Variants in TM7SF3 observed in about 807,000 individuals in gnomAD.
The protein encoded by TM7SF3 is transmembrane 7 superfamily member 3.
Under a neutral mutation model 65.5 loss-of-function variants are expected in TM7SF3, and 60 were observed. That is an observed-to-expected ratio of 0.92 (90% confidence interval 0.74 to 1.14). The LOEUF is 1.14. Ranked by LOEUF, TM7SF3 falls within the 50% of genes most tolerant of loss-of-function variation. The pLI is 0.00. For synonymous variants in TM7SF3, 264 were observed against 259.6 expected, an observed-to-expected ratio of 1.02 and a Z score of -0.16; for missense variants, 623 against 684.8, an observed-to-expected ratio of 0.91 and a Z score of 1.01.
At chr12:27,008,240 T>C (rs1287941077) in intron 1 of TM7SF3, among the ~76,000 whole-genome samples, 1 of 152,218 alleles carries the variant, frequency 6.6e-6, no homozygotes, top group Non-Finnish European at 1.5e-5. Flanking sequence ...CTGCTGAGTA[T>C]ATAGTGGTAT....
At chr12:27,000,632 T>C (rs1016453653) in intron 2 of TM7SF3, among the ~76,000 whole-genome samples, 1 of 152,256 alleles carries the variant, frequency 6.6e-6, no homozygotes, top group African/African-American at 2.4e-5. Flanking sequence ...GCTAATTTTT[T>C]GTACTTTTAG....
intron 4 of TM7SF3, among the ~76,000 whole-genome samples, chr12:26,995,893 G>A (rs1028432574): frequency 1.3e-5 from 2 of 152,178 alleles, no homozygotes; most frequent in Non-Finnish European, 2.9e-5. Context: ...CACCCAGTCT[G>A]TGCTACTTTG....
intron 5 of TM7SF3, among the ~76,000 whole-genome samples, chr12:26,992,905 C>CTTTTTTTTTT (rs1202323508): frequency 9.1e-6 from 1 of 110,008 alleles, no homozygotes; most frequent in African/African-American, 3.5e-5. Flanking sequence ...TCCCTAATGT[C>CTTTTTTTTTT]TTTTTTTTTT....
intron 1 of TM7SF3, among the ~76,000 whole-genome samples, chr12:27,007,324 A>G (rs1941076698): frequency 6.6e-6 from 1 of 152,208 alleles, no homozygotes; most frequent in Non-Finnish European, 1.5e-5. Context: ...CACTGTATAC[A>G]TTATGTAAAA....
intron 4 of TM7SF3, 131 bp from the exon 5 acceptor site, chr12:26,995,539 G>C (rs772751205): frequency 1.1e-6 from 1 of 931,206 alleles, no homozygotes; most frequent in East Asian, 2.6e-5. Flanking sequence ...TTTTGCAGTG[G>C]CAACAATTGG....
rs1030636907 is a variant in TM7SF3, at chr12:27,003,205, G to C, written c.246+31C>G. On this transcript the variant is annotated intron_variant, in intron 2 of 11. Transcript: ENST00000343028. ...TACCAGACCCCCAAAATATAGAAAT[G>C]ATTTTTACTAAAATAATTCTTTGCA... 4.6e-6 allele frequency: 7 copies of C among 1,524,756 alleles called. No homozygotes were observed. In the African/African-American group the frequency reaches 9.7e-5, roughly 21 times the overall value. The allele number at this position is 1,524,756 out of a possible 1,614,324, so 94.5% of individuals were successfully genotyped here. A position where few individuals can be genotyped will look rare whatever the true frequency, so the allele number is the denominator to read the frequency against.
chr12:26,992,686 G>A (rs971634959), intron 5 of TM7SF3, among the ~76,000 whole-genome samples: 37 of 152,282 alleles, frequency 2.4e-4, no homozygotes, highest in African/African-American at 8.2e-4. Flanking sequence ...AAGCAGGAGC[G>A]ATGGCTCACT....
At chr12:26,983,652 T>C (rs987522888) in intron 6 of TM7SF3, 8 of 406,910 alleles carry the variant, frequency 2.0e-5, no homozygotes, top group African/African-American at 8.2e-5. Context: ...AATTGGTGTA[T>C]GGAGGCTCGC....
In TM7SF3 at chr12:26,972,967, AT is replaced by A; in HGVS notation, c.*997del. On this transcript the variant is annotated 3_prime_UTR_variant, in exon 12 of 12. Transcript: ENST00000343028. ...TAATAATTTAGCTATTTCAATTACC[AT>A]TTTAAGCAATAAAAGGCAAAAACAA... 6.6e-6 allele frequency among the ~76,000 whole-genome samples: 1 copy of A among 152,248 alleles called. No individual in the cohort carries two copies. Among genetic ancestry groups the A allele is most frequent in the East Asian group, 1.9e-4 (1 of 5,180 alleles).
chr12:26,995,112 A>T, intron 5 of TM7SF3, 125 bp downstream of exon 5: 1 of 966,050 alleles, frequency 1.0e-6, no homozygotes, highest in Non-Finnish European at 1.5e-6. Context: ...ACAAAAGAGA[A>T]TAAAGTGAGT....
chr12:26,998,867 C>A (rs1430149186), intron 3 of TM7SF3, among the ~76,000 whole-genome samples: 1 of 152,132 alleles, frequency 6.6e-6, no homozygotes, highest in Admixed American at 6.5e-5. Context: ...TATGCAAGGC[C>A]CTCCACACTC....
At chr12:26,998,859 T>G (rs540519594) in intron 3 of TM7SF3, among the ~76,000 whole-genome samples, 1 of 152,302 alleles carries the variant, frequency 6.6e-6, no homozygotes, top group Admixed American at 6.5e-5. Flanking sequence ...TCAAATTGTA[T>G]GCAAGGCCCT....
At position 26,996,737 on chromosome 12, in the gene TM7SF3, C is replaced by T. The variant is rs780114713; in HGVS notation, c.518+5G>A. 44 of 1,608,170 alleles carry T rather than the reference C, an allele frequency of 2.7e-5. No individual in the cohort carries two copies. The highest frequency in any genetic ancestry group is 1.7e-4 in the Admixed American group (10 of 58,524). On this transcript the variant is annotated splice_donor_5th_base_variant and intron_variant, in intron 4 of 11. Coordinates refer to ENST00000343028, the MANE Select transcript of TM7SF3 (RefSeq NM_016551.3). ...GCATTTCTCAGACATGGGAGACAGA[C>T]GTACCTCGCATAGCCTAGGTTTGCT...
At chr12:27,003,086 T>C (rs1042066669) in intron 2 of TM7SF3, 150 bp downstream of exon 2, 6 of 628,656 alleles carry the variant, frequency 9.5e-6, no homozygotes, top group Non-Finnish European at 1.3e-5. Flanking sequence ...AGTCACTAAC[T>C]TGAAAACATC....
At chr12:26,996,257 G>A (rs1183538128) in intron 4 of TM7SF3, among the ~76,000 whole-genome samples, 2 of 152,034 alleles carry the variant, frequency 1.3e-5, no homozygotes, top group Admixed American at 6.6e-5. Context: ...AACAGCAATT[G>A]CCCTTCTTCA....
Position 26,973,946 on chromosome 12 carries a change from T to A in TM7SF3, c.*19A>T. The A allele has an allele frequency of 6.2e-7, 1 of 1,611,112 alleles. No individual in the cohort carries two copies. Among genetic ancestry groups the A allele is most frequent in the Non-Finnish European group, 8.5e-7 (1 of 1,179,048 alleles). On this transcript the variant is annotated 3_prime_UTR_variant, in exon 12 of 12. Transcript: ENST00000343028. ...CATGAACTCCAAAGCTGAGGCACAC[T>A]GACCAAGCCCCTGGGCATCTACAGA...
chr12:26,982,813 A>T lies in TM7SF3; in HGVS notation c.915T>A (p.Gly305=). Residue 305 remains glycine (G), a synonymous_variant, in exon 7 of 12, where the codon GGT becomes GGA. Transcript: ENST00000343028. The part of the protein sequence containing the change: ...KVFFTLFALL[G]FFICFFGHRF... ...TGTGTCCAAAGAAACAAATGAAGAA[A>T]CCAAGCAGGGCAAAAAGAGTGAAGA... 6.2e-7 allele frequency: 1 copy of T among 1,609,802 alleles called. No individual in the cohort carries two copies. The highest frequency in any genetic ancestry group is 8.5e-7 in the Non-Finnish European group (1 of 1,178,758).
chr12:26,990,379 T>G (rs1169517262), intron 6 of TM7SF3, 71 bp downstream of exon 6: 5 of 1,162,462 alleles, frequency 4.3e-6, no homozygotes, highest in Non-Finnish European at 5.0e-6. Context: ...GTTGAATGAA[T>G]GAGAACTAGA....
At chr12:26,999,401 A>T in intron 3 of TM7SF3, 125 bp downstream of exon 3, 1 of 1,120,844 alleles carries the variant, frequency 8.9e-7, no homozygotes, top group Non-Finnish European at 1.2e-6. Flanking sequence ...ATCTCAAAAA[A>T]AAAAAATCCG....
Sources: gnomAD v4.1 joint callset for allele counts (sites outside exome capture counted in the v4.1 genomes callset) on GRCh38, gnomAD v4.1.1 for gene constraint, MANE v1.5 for transcripts, NCBI Gene and HGNC (gene_info 2026-07-23, HGNC 2026-07-21) for gene names.